Variants in CNTN3 observed in about 807,000 individuals in gnomAD.
The protein encoded by CNTN3 is contactin-3.
CNTN3 carries 60 observed loss-of-function variants against 119.1 expected under a neutral mutation model. That is an observed-to-expected ratio of 0.50 (90% CI 0.41 to 0.62). CNTN3 has a LOEUF of 0.62. CNTN3 is among the 20% of genes least tolerant of loss of function. CNTN3 has a pLI of 0.00. For missense variants in CNTN3, 1,101 were observed against 1,242.4 expected (o/e 0.89, Z 1.71); for synonymous variants, 450 against 438.7 (o/e 1.03, Z -0.32).
intron 2 of CNTN3, among the ~76,000 whole-genome samples, chr3:74,520,689 T>C (rs541533508): frequency 1.3e-5 from 2 of 151,690 alleles, no homozygotes; most frequent in East Asian, 3.9e-4. Flanking sequence ...ATACCAGCAC[T>C]TTTTAAATTT....
At chr3:74,281,784 G>A (rs890592999) in intron 20 of CNTN3, among the ~76,000 whole-genome samples, 1 of 152,128 alleles carries the variant, frequency 6.6e-6, no homozygotes, top group Admixed American at 6.6e-5. Flanking sequence ...TATGGAAATG[G>A]GGACTATCAC....
chr3:74,322,169 CAAA>C (rs35201394), intron 13 of CNTN3, among the ~76,000 whole-genome samples: 29 of 94,126 alleles, frequency 3.1e-4, no homozygotes, highest in Middle Eastern at 5.7e-3. Context: ...CTGGGTGACT[CAAA>C]AAAAAAAAAA....
At chr3:74,295,002 T>C in intron 19 of CNTN3, 119 bp downstream of exon 19, 1 of 549,716 alleles carries the variant, frequency 1.8e-6, no homozygotes, top group South Asian at 3.4e-5. Flanking sequence ...AATGTGTTGA[T>C]AAAAAAATTT....
chr3:74,346,388 TTA>T (rs199555399), intron 11 of CNTN3, among the ~76,000 whole-genome samples: 1 of 151,420 alleles, frequency 6.6e-6, no homozygotes, highest in African/African-American at 2.4e-5. Context: ...TCCTTCTCAA[TTA>T]TATATATATA....
chr3:74,565,110 T>C (rs561793222), intron 1 of CNTN3, among the ~76,000 whole-genome samples: 1 of 152,276 alleles, frequency 6.6e-6, no homozygotes, highest in East Asian at 1.9e-4. Context: ...TTCCTTTTTG[T>C]ATTTGTTTCC....
chr3:74,463,334 C>T (rs762655940), intron 4 of CNTN3, among the ~76,000 whole-genome samples: 111 of 152,006 alleles, frequency 7.3e-4, no homozygotes, highest in Non-Finnish European at 1.3e-3. Context: ...TAGATAACTT[C>T]AATACGAATA....
At position 74,454,294 on chromosome 3, in the gene CNTN3, T is replaced by A. The variant is rs551409398; in HGVS notation, c.359-29354A>T. On this transcript the variant is annotated intron_variant, in intron 4 of 22. Transcript: ENST00000263665. ...CCTTCTTTGTCTCTTTTGATCTTTGTTGGTTTAAAGTCTGTTTTATCAGAG... is the reference window on the plus strand; with the variant it reads ...CCTTCTTTGTCTCTTTTGATCTTTGATGGTTTAAAGTCTGTTTTATCAGAG... Among the ~76,000 whole-genome samples, 11 of 137,312 alleles carry A rather than the reference T, an allele frequency of 8.0e-5. No homozygotes were observed. In the East Asian group the frequency reaches 2.1e-3, roughly 26 times the overall value. 90.1% of individuals were successfully genotyped at this position (137,312 alleles called of 152,430 possible). A position where few individuals can be genotyped will look rare whatever the true frequency, so the allele number is the denominator to read the frequency against.
At chr3:74,294,322 G>T (rs761967663) in intron 19 of CNTN3, among the ~76,000 whole-genome samples, 1 of 152,128 alleles carries the variant, frequency 6.6e-6, no homozygotes, top group African/African-American at 2.4e-5. Flanking sequence ...CTAAATAGGG[G>T]ACCCAGTTCA....
intron 5 of CNTN3, among the ~76,000 whole-genome samples, chr3:74,423,645 T>TA (rs1375870814): frequency 1.3e-5 from 2 of 152,228 alleles, no homozygotes; most frequent in Non-Finnish European, 2.9e-5. Context: ...TGACTTCTGT[T>TA]ACTTTGTTTG....
At chr3:74,563,941 T>C (rs1483869201) in intron 1 of CNTN3, among the ~76,000 whole-genome samples, 1 of 152,184 alleles carries the variant, frequency 6.6e-6, no homozygotes, top group African/African-American at 2.4e-5. Context: ...GGGCTATTTG[T>C]TTATCTATTC....
intron 1 of CNTN3, among the ~76,000 whole-genome samples, chr3:74,551,700 ATTGGAATCAT>A (rs1215394375): frequency 7.0e-6 from 1 of 142,944 alleles, no homozygotes; most frequent in African/African-American, 2.6e-5. Context: ...TTTCCACATA[ATTGGAATCAT>A]TTAGTATGTA....
chr3:74,571,643 A>G (rs770000492), intron 1 of CNTN3, among the ~76,000 whole-genome samples: 5 of 152,200 alleles, frequency 3.3e-5, no homozygotes, highest in Non-Finnish European at 7.3e-5. Flanking sequence ...CAGAAATAAT[A>G]AAAACTACTA....
At chr3:74,436,717 T>C (rs894869639) in intron 4 of CNTN3, among the ~76,000 whole-genome samples, 1 of 152,066 alleles carries the variant, frequency 6.6e-6, no homozygotes, top group African/African-American at 2.4e-5. Flanking sequence ...CCAAATTAGA[T>C]AAAAGAGATT....
intron 19 of CNTN3, among the ~76,000 whole-genome samples, chr3:74,292,267 T>C (rs1465927354): frequency 6.6e-6 from 1 of 152,198 alleles, no homozygotes; most frequent in Non-Finnish European, 1.5e-5. Context: ...CTGTTTATTA[T>C]GATGAGCCAG....
chr3:74,302,588 A>G (rs1702481314), intron 14 of CNTN3, 102 bp downstream of exon 14: 5 of 697,616 alleles, frequency 7.2e-6, no homozygotes, highest in Non-Finnish European at 1.0e-5. Flanking sequence ...AATCAATATT[A>G]TAACTCGTAT....
At chr3:74,401,823 A>G (rs1705201779) in intron 5 of CNTN3, among the ~76,000 whole-genome samples, 1 of 152,084 alleles carries the variant, frequency 6.6e-6, no homozygotes, top group Non-Finnish European at 1.5e-5. Context: ...TCAGTGCATC[A>G]TTTTTCCAGA....
intron 5 of CNTN3, among the ~76,000 whole-genome samples, chr3:74,404,860 C>T (rs1412427498): frequency 6.6e-6 from 1 of 151,902 alleles, no homozygotes; most frequent in African/African-American, 2.4e-5. Context: ...TGTGAACTGT[C>T]CTTCAAGAGC....
intron 2 of CNTN3, among the ~76,000 whole-genome samples, chr3:74,507,696 A>G (rs1442088097): frequency 5.0e-5 from 7 of 140,406 alleles, no homozygotes; most frequent in Non-Finnish European, 9.0e-5. Flanking sequence ...CAGTGGCCCA[A>G]TCTTGACTCA....
intron 5 of CNTN3, among the ~76,000 whole-genome samples, chr3:74,403,657 T>C (rs147183458): frequency 6.6e-6 from 1 of 152,286 alleles, no homozygotes; most frequent in African/African-American, 2.4e-5. Flanking sequence ...CAGTTTTAAA[T>C]TTTTAAGAGC....
Sources: allele counts gnomAD v4.1 joint callset (sites outside exome capture counted in the v4.1 genomes callset), GRCh38; gene constraint gnomAD v4.1.1; transcripts MANE v1.5; gene names NCBI Gene and HGNC (gene_info 2026-07-23, HGNC 2026-07-21).